The following WWTR1 variants were observed in gnomAD, a reference collection of about 807,000 sequenced individuals.
The protein encoded by WWTR1 is WW domain-containing transcription regulator protein 1.
A neutral mutation model predicts 40.1 loss-of-function variants in WWTR1; 13 were observed. The ratio of observed to expected loss-of-function variants is 0.32; its 90% CI spans 0.21 to 0.52. The LOEUF is 0.52. WWTR1 is among the 20% of genes least tolerant of loss of function. The pLI is 0.97. For missense variants in WWTR1, 436 were observed against 523.1 expected, an observed-to-expected ratio of 0.83 and a Z score of 1.63; for synonymous variants, 230 against 210.1, an observed-to-expected ratio of 1.09 and a Z score of -0.82.
At chr3:149,609,115 C>T (rs1739618557) in intron 2 of WWTR1, among the ~76,000 whole-genome samples, 1 of 152,018 alleles carries the variant, frequency 6.6e-6, no homozygotes, top group East Asian at 1.9e-4. Flanking sequence ...AAGCTCTACA[C>T]GAAGCCCTAG....
chr3:149,670,654 A>AAAAAAAAAAG (rs542320121), intron 1 of WWTR1: 2 of 150,018 alleles, frequency 1.3e-5, no homozygotes, highest in African/African-American at 5.0e-5. Flanking sequence ...AAAAAAAAAA[A>AAAAAAAAAAG]AAAAGAAAAG....
chr3:149,636,823 T>C (rs1056491201), intron 2 of WWTR1, among the ~76,000 whole-genome samples: 4 of 151,900 alleles, frequency 2.6e-5, no homozygotes, highest in African/African-American at 9.7e-5. Context: ...AAAAATTAGC[T>C]GGGTGTGGTG....
intron 1 of WWTR1, among the ~76,000 whole-genome samples, chr3:149,691,738 C>T (rs531067005): frequency 9.9e-5 from 15 of 152,192 alleles, no homozygotes; most frequent in Non-Finnish European, 1.9e-4. Context: ...AAAAGAAGGC[C>T]GGGCGCGGTG....
intron 2 of WWTR1, among the ~76,000 whole-genome samples, chr3:149,581,166 T>G (rs1337098495): frequency 6.6e-6 from 1 of 152,198 alleles, no homozygotes. Context: ...AAGGCAGCTT[T>G]TAAAACACTA....
chr3:149,607,189 C>A (rs140300437), intron 2 of WWTR1, among the ~76,000 whole-genome samples: 24 of 152,240 alleles, frequency 1.6e-4, no homozygotes, highest in African/African-American at 5.3e-4. Context: ...TTTTAGTATT[C>A]ATTGAATAAA....
At chr3:149,579,466 C>A (rs565447131) in intron 2 of WWTR1, among the ~76,000 whole-genome samples, 2 of 152,092 alleles carry the variant, frequency 1.3e-5, no homozygotes, top group South Asian at 2.1e-4. Flanking sequence ...GTCCTTACTA[C>A]CTCCTTTTTT....
upstream of WWTR1, chr3:149,659,358 G>GTCTC (rs1400626419): frequency 2.1e-5 from 1 of 46,886 alleles, no homozygotes; most frequent in Non-Finnish European, 4.2e-5. Context: ...TTTGAGTGAC[G>GTCTC]TCTCCCTCTT....
upstream of WWTR1, among the ~76,000 whole-genome samples, chr3:149,707,280 C>G (rs1332724029): frequency 2.0e-5 from 3 of 152,102 alleles, no homozygotes; most frequent in Admixed American, 6.5e-5. Flanking sequence ...GATCAAAGCC[C>G]CCAGCAAACT....
At chr3:149,593,897 C>G (rs1297024470) in intron 2 of WWTR1, among the ~76,000 whole-genome samples, 1 of 152,110 alleles carries the variant, frequency 6.6e-6, no homozygotes, top group Non-Finnish European at 1.5e-5. Context: ...TTCGTGCTTC[C>G]TTTTTCAGGG....
chr3:149,724,228 A>G (rs1465885888), intron 3 of WWTR1: 1 of 152,206 alleles, frequency 6.6e-6, no homozygotes, highest in Non-Finnish European at 1.5e-5. Context: ...AAACAAAAGT[A>G]AAGAGAATGA....
intron 2 of WWTR1, among the ~76,000 whole-genome samples, chr3:149,577,226 G>A (rs990678591): frequency 6.6e-5 from 10 of 152,068 alleles, no homozygotes; most frequent in African/African-American, 2.2e-4. Flanking sequence ...TCCTATCTTC[G>A]TGTGGCTCAA....
At position 149,527,817 on chromosome 3, in the gene WWTR1, C is replaced by T. The variant is rs761573225; in HGVS notation, c.905+19G>A. 1.1e-5 allele frequency: 17 copies of T among 1,613,512 alleles called. No individual in the cohort carries two copies. The highest frequency in any genetic ancestry group is 2.2e-5 in the South Asian group (2 of 91,058). ...TAATAAAGAGAATAAAAATAAGTGG[C>T]CCCCAAATATTAACTTACCCATTGA... On this transcript the variant is annotated intron_variant, in intron 5 of 6. Coordinates refer to ENST00000360632, the MANE Select transcript of WWTR1 (RefSeq NM_015472.6).
intron 4 of WWTR1, among the ~76,000 whole-genome samples, chr3:149,534,711 A>G (rs976860143): frequency 2.0e-5 from 3 of 152,186 alleles, no homozygotes; most frequent in Non-Finnish European, 4.4e-5. Flanking sequence ...ATTTTTGTCT[A>G]TGTCCAAGCT....
At chr3:149,556,651 C>T (rs932224846) in intron 3 of WWTR1, among the ~76,000 whole-genome samples, 5 of 152,092 alleles carry the variant, frequency 3.3e-5, no homozygotes, top group South Asian at 2.1e-4. Context: ...GGTTTGTTGT[C>T]TCTCAGCCCT....
intron 2 of WWTR1, chr3:149,576,155 A>G (rs1737868893): frequency 1.8e-5 from 8 of 455,560 alleles, no homozygotes; most frequent in South Asian, 1.1e-4. Context: ...TCGACCTGAC[A>G]TCAGCTGTAA....
chr3:149,591,544 T>C lies in WWTR1; in HGVS notation c.432-18544A>G, dbSNP rs187091158. On this transcript the variant is annotated intron_variant, in intron 2 of 6. Transcript: ENST00000360632. ...TTATAATTGACTATATAACTGTAAT[T>C]ACTTAACTAAAATTCAAGATGTACA... Among the ~76,000 whole-genome samples the C allele has an allele frequency of 4.6e-4, 70 of 152,324 alleles. No individual in the cohort carries two copies. The South Asian group carries it at 0.013, about 29-fold the overall frequency.
At chr3:149,676,936 T>A (rs76896692) in intron 1 of WWTR1, among the ~76,000 whole-genome samples, 6 of 150,394 alleles carry the variant, frequency 4.0e-5, no homozygotes, top group African/African-American at 1.5e-4. Flanking sequence ...TTTTTTTTTT[T>A]AGACGGAGTT....
In WWTR1 at chr3:149,651,812, T is replaced by C. The variant is rs72615637; in HGVS notation, c.431+5064A>G. Reference sequence around the variant, plus strand: ...TTTCACAGAATTGTAGTCATGTAAATGTTGCCTATGGATTTTCTTTTTTTT... The same window carrying C: ...TTTCACAGAATTGTAGTCATGTAAACGTTGCCTATGGATTTTCTTTTTTTT... On this transcript the variant is annotated intron_variant, in intron 2 of 6. Coordinates refer to ENST00000360632, the MANE Select transcript of WWTR1 (RefSeq NM_015472.6). 9.5e-3 allele frequency among the ~76,000 whole-genome samples: 1,437 copies of C among 150,638 alleles called. 15 individuals carry two copies. Among genetic ancestry groups the C allele is most frequent in the East Asian group, 0.035 (176 of 5,070 alleles).
intron 1 of WWTR1, among the ~76,000 whole-genome samples, chr3:149,698,598 G>A (rs993338186): frequency 2.0e-5 from 3 of 152,204 alleles, no homozygotes; most frequent in African/African-American, 7.2e-5. Context: ...TCTCCCCTAG[G>A]CATTGCCTTA....
Sources: gnomAD v4.1 joint callset for allele counts (sites outside exome capture counted in the v4.1 genomes callset) on GRCh38, gnomAD v4.1.1 for gene constraint, MANE v1.5 for transcripts, NCBI Gene and HGNC (gene_info 2026-07-23, HGNC 2026-07-21) for gene names.